Variants in MSH3 observed in about 807,000 individuals in gnomAD.
MSH3 encodes the protein mutS homolog 3.
In MSH3, 106 loss-of-function variants were observed where a neutral mutation model predicts 123.3. The ratio of observed to expected loss-of-function variants is 0.86; its 90% CI spans 0.73 to 1.01. The LOEUF (loss-of-function observed/expected upper bound fraction) is 1.01. MSH3 is among the 50% of genes least tolerant of loss of function. The probability of loss-of-function intolerance (pLI) is 0.00; values close to 1 mark genes in which losing one functional copy is unlikely to be tolerated. For missense variants in MSH3, 1,459 were observed against 1,347.6 expected (o/e 1.08, Z -1.29); for synonymous variants, 515 against 481.4 (o/e 1.07, Z -0.91).
intron 21 of MSH3, among the ~76,000 whole-genome samples, chr5:80,854,967 C>A (rs755855993): frequency 1.3e-5 from 2 of 152,150 alleles, no homozygotes; most frequent in Non-Finnish European, 2.9e-5. Context: ...TCACCAACAT[C>A]CTGAAGGATC....
rs1472558356 is a variant in MSH3, at chr5:80,656,605, G to A, written c.358+74G>A. Reference sequence around the variant, plus strand: ...CTGGAATTCTCCAGAGGGCAGAAGAGCGTATTAGAATTGTGTCTTTTTTCT... The same window carrying A: ...CTGGAATTCTCCAGAGGGCAGAAGAACGTATTAGAATTGTGTCTTTTTTCT... On this transcript the variant is annotated intron_variant, in intron 2 of 23. Transcript: ENST00000265081. 3.1e-6 allele frequency: 5 copies of A among 1,599,744 alleles called. No individual in the cohort carries two copies. In the African/African-American group the frequency reaches 6.7e-5, roughly 21 times the overall value.
At chr5:80,727,839 T>C (rs1434061106) in intron 9 of MSH3, among the ~76,000 whole-genome samples, 1 of 152,074 alleles carries the variant, frequency 6.6e-6, no homozygotes, top group African/African-American at 2.4e-5. Flanking sequence ...GTTGAACTTT[T>C]AAATAGGATG....
intron 3 of MSH3, among the ~76,000 whole-genome samples, chr5:80,669,279 C>CT (rs1420598965): frequency 1.3e-5 from 2 of 152,088 alleles, no homozygotes; most frequent in African/African-American, 2.4e-5. Flanking sequence ...CTCCCCTCTT[C>CT]TTTTTGGTCA....
rs552094841 is a variant in MSH3 at position 80,830,674 on chromosome 5, G to T, written c.2813+16933G>T. Among the ~76,000 whole-genome samples the T allele has an allele frequency of 4.6e-5, 7 of 152,312 alleles. No individual in the cohort carries two copies. In the East Asian group the frequency reaches 1.3e-3, roughly 29 times the overall value. ...TCCCACAAAGTGGACTACTAGCTAT[G>T]TTAGAGGATGAGTTGCCCAGTCAGC... On this transcript the variant is annotated intron_variant, in intron 20 of 23. Coordinates refer to ENST00000265081, the MANE Select transcript of MSH3 (RefSeq NM_002439.5).
chr5:80,684,992 T>C (rs1374977965), intron 8 of MSH3, among the ~76,000 whole-genome samples: 1 of 152,102 alleles, frequency 6.6e-6, no homozygotes, highest in African/African-American at 2.4e-5. Flanking sequence ...TGAACCGTCT[T>C]TGCATCTCTG....
At chr5:80,854,098 G>A (rs1745875587) in intron 20 of MSH3, 32 bp from the exon 21 acceptor site, 1 of 1,560,896 alleles carries the variant, frequency 6.4e-7, no homozygotes, top group Non-Finnish European at 8.8e-7. Context: ...AAAGTGAAGA[G>A]GAAAATCAAG....
chr5:80,745,411 C>T (rs947318376), intron 12 of MSH3, among the ~76,000 whole-genome samples: 1 of 152,172 alleles, frequency 6.6e-6, no homozygotes, highest in African/African-American at 2.4e-5. Flanking sequence ...TGCACACTTT[C>T]TATTTACTGG....
intron 18 of MSH3, among the ~76,000 whole-genome samples, chr5:80,788,588 A>G (rs920230094): frequency 6.6e-6 from 1 of 152,256 alleles, no homozygotes; most frequent in East Asian, 1.9e-4. Flanking sequence ...AGGCAGGAAC[A>G]TCTCTTGAAA....
At chr5:80,655,107 A>C (rs893430460) in intron 1 of MSH3, 143 bp downstream of exon 1, 8 of 541,158 alleles carry the variant, frequency 1.5e-5, no homozygotes, top group Non-Finnish European at 2.2e-5. Flanking sequence ...AGGTGGGAAG[A>C]GCCCAGCCGG....
chr5:80,779,304 C>G (rs1002044357), intron 17 of MSH3, among the ~76,000 whole-genome samples: 2 of 151,660 alleles, frequency 1.3e-5, no homozygotes, highest in African/African-American at 2.4e-5. Flanking sequence ...GAAAGAAATT[C>G]TTAAAATCTA....
chr5:80,710,341 G>A (rs1430571323), intron 8 of MSH3, among the ~76,000 whole-genome samples: 1 of 152,148 alleles, frequency 6.6e-6, no homozygotes, highest in African/African-American at 2.4e-5. Flanking sequence ...ACACAGAAGG[G>A]AGCAGCTATT....
chr5:80,682,320 G>A (rs1287390099), intron 8 of MSH3, among the ~76,000 whole-genome samples: 2 of 152,100 alleles, frequency 1.3e-5, no homozygotes, highest in African/African-American at 4.8e-5. Context: ...CTTACCTCAT[G>A]GGGTTGTTGT....
At position 80,821,659 on chromosome 5, in the gene MSH3, C is replaced by T. The variant is rs754326712; in HGVS notation, c.2813+7918C>T. 3.9e-5 allele frequency among the ~76,000 whole-genome samples: 6 copies of T among 152,360 alleles called. No homozygotes were observed. In the East Asian group the frequency reaches 1.2e-3, roughly 29 times the overall value. ...GCTGTTAGTTTATCAACCTTCAGGT[C>T]ATGTTTATAGAAGCACTCTGCCACA... On this transcript the variant is annotated intron_variant, in intron 20 of 23. Transcript: ENST00000265081.
chr5:80,722,950 C>CA (rs1751115090), intron 8 of MSH3, among the ~76,000 whole-genome samples: 2 of 151,794 alleles, frequency 1.3e-5, no homozygotes, highest in African/African-American at 4.8e-5. Context: ...ACTAAAAATA[C>CA]AAAAAAATTA....
intron 3 of MSH3, among the ~76,000 whole-genome samples, chr5:80,668,914 C>A (rs940119749): frequency 6.6e-6 from 1 of 152,232 alleles, no homozygotes; most frequent in African/African-American, 2.4e-5. Context: ...TTCTTCCACC[C>A]ATTTCTGGCT....
At chr5:80,672,615 C>T in intron 5 of MSH3, 126 bp from the exon 6 acceptor site, 1 of 848,486 alleles carries the variant, frequency 1.2e-6, no homozygotes, top group Non-Finnish European at 2.0e-6. Context: ...TCCTTTAAAC[C>T]CTACATCTGA....
chr5:80,748,975 G>T (rs983813343), intron 12 of MSH3, among the ~76,000 whole-genome samples: 1 of 151,894 alleles, frequency 6.6e-6, no homozygotes, highest in Non-Finnish European at 1.5e-5. Flanking sequence ...AAAATTAAAA[G>T]AAATTTAGTT....
intron 20 of MSH3, among the ~76,000 whole-genome samples, chr5:80,833,757 G>A (rs1293866077): frequency 6.6e-6 from 1 of 151,822 alleles, no homozygotes; most frequent in Admixed American, 6.6e-5. Flanking sequence ...TCTTGTTAAT[G>A]TATATCTTGT....
At chr5:80,807,797 C>T (rs1330325654) in intron 19 of MSH3, among the ~76,000 whole-genome samples, 1 of 152,202 alleles carries the variant, frequency 6.6e-6, no homozygotes, top group Non-Finnish European at 1.5e-5. Context: ...TCACAGGGCA[C>T]ACTAACAGAT....
Sources: gnomAD v4.1 joint callset for allele counts (sites outside exome capture counted in the v4.1 genomes callset) on GRCh38, gnomAD v4.1.1 for gene constraint, MANE v1.5 for transcripts, NCBI Gene and HGNC (gene_info 2026-07-23, HGNC 2026-07-21) for gene names.